EYS: variants seen among roughly 807,000 people sequenced by gnomAD.
The protein encoded by EYS is protein eyes shut homolog.
In EYS, 250 loss-of-function variants were observed where a neutral mutation model predicts 282.1. The ratio of observed to expected loss-of-function variants is 0.89; its 90% CI spans 0.80 to 0.98. The LOEUF (loss-of-function observed/expected upper bound fraction) is 0.98. Ranked by LOEUF, EYS falls within the 50% of genes least tolerant of loss-of-function variation. The pLI, the probability that EYS is intolerant of heterozygous loss-of-function variation, is 0.00. For synonymous variants in EYS, 1,355 were observed against 1,282.9 expected (o/e 1.06, Z -1.20); for missense variants, 4,016 against 3,709.0 (o/e 1.08, Z -2.15).
At chr6:65,028,571 A>G (rs984951989) in intron 13 of EYS, among the ~76,000 whole-genome samples, 4 of 152,056 alleles carry the variant, frequency 2.6e-5, no homozygotes, top group South Asian at 2.1e-4. Context: ...AATTTTGAAA[A>G]GTGCCCTTCA....
Position 65,446,919 on chromosome 6 carries a change from C to G in EYS, c.863-41552G>C, listed in dbSNP as rs142416844. Among the ~76,000 whole-genome samples, 864 of 151,632 alleles carry G rather than the reference C, an allele frequency of 5.7e-3. 13 individuals carry two copies. Among genetic ancestry groups the G allele is most frequent in the African/African-American group, 0.019 (772 of 41,424 alleles). On this transcript the variant is annotated intron_variant, in intron 5 of 42. Coordinates refer to ENST00000503581, the MANE Select transcript of EYS (RefSeq NM_001142800.2). ...AAAAACAGAAGGCACAGAAAAAAAG[C>G]CATTCTAATAATTTATACAGTTTTC...
At chr6:64,478,697 A>G (rs1233015440) in intron 26 of EYS, among the ~76,000 whole-genome samples, 2 of 151,082 alleles carry the variant, frequency 1.3e-5, no homozygotes, top group African/African-American at 2.4e-5. Flanking sequence ...GAAGTAGGCA[A>G]CATTACAATC....
At chr6:63,870,550 C>T (rs1435547608) in intron 35 of EYS, among the ~76,000 whole-genome samples, 2 of 152,064 alleles carry the variant, frequency 1.3e-5, no homozygotes, top group Admixed American at 6.6e-5. Context: ...TGCAGTTTCT[C>T]ACTTATTCCA....
intron 8 of EYS, among the ~76,000 whole-genome samples, chr6:65,361,378 A>T (rs1047802823): frequency 1.3e-5 from 2 of 151,132 alleles, no homozygotes; most frequent in Admixed American, 6.6e-5. Context: ...AAAAAGAAAT[A>T]CTCATATATG....
At chr6:65,279,826 A>G (rs1768165929) in intron 12 of EYS, among the ~76,000 whole-genome samples, 1 of 152,178 alleles carries the variant, frequency 6.6e-6, no homozygotes, top group Non-Finnish European at 1.5e-5. Flanking sequence ...AAGATTTTGT[A>G]AAAAGACAAC....
At chr6:65,054,960 T>C (rs1773371126) in intron 13 of EYS, among the ~76,000 whole-genome samples, 1 of 147,066 alleles carries the variant, frequency 6.8e-6, no homozygotes, top group Non-Finnish European at 1.5e-5. Flanking sequence ...GTTTTGGTTT[T>C]AGGTTTTCTT....
At chr6:64,448,287 A>C (rs140115945) in intron 26 of EYS, among the ~76,000 whole-genome samples, 3,721 of 152,306 alleles carry the variant, frequency 0.024, 123 homozygotes, top group African/African-American at 0.077. Flanking sequence ...ATCAAACTGC[A>C]AGGTGGCAGT....
intron 7 of EYS, among the ~76,000 whole-genome samples, chr6:65,391,672 G>A (rs1766039014): frequency 6.6e-6 from 1 of 151,972 alleles, no homozygotes. Flanking sequence ...AATAAAAGAG[G>A]ATACAAACAA....
chr6:65,517,398 T>C (rs972190077), intron 2 of EYS, among the ~76,000 whole-genome samples: 3 of 151,420 alleles, frequency 2.0e-5, no homozygotes, highest in Non-Finnish European at 1.5e-5. Flanking sequence ...CTAAAATCAA[T>C]CTTCTTACTC....
At chr6:65,511,816 G>A (rs1192319681) in intron 2 of EYS, among the ~76,000 whole-genome samples, 1 of 151,752 alleles carries the variant, frequency 6.6e-6, no homozygotes, top group Non-Finnish European at 1.5e-5. Flanking sequence ...AGCTGGGTGT[G>A]ATGGCACACA....
intron 11 of EYS, among the ~76,000 whole-genome samples, 175 bp from the exon 12 acceptor site, chr6:65,296,294 T>G (rs936941479): frequency 1.3e-5 from 2 of 152,074 alleles, no homozygotes; most frequent in Admixed American, 1.3e-4. Flanking sequence ...AAATTACTTT[T>G]GATTACTGTG....
At chr6:63,744,903 C>G (rs1000629359) in intron 41 of EYS, 1 of 319,892 alleles carries the variant, frequency 3.1e-6, no homozygotes, top group Admixed American at 5.0e-5. Context: ...CAATAGTTGA[C>G]TTTTGTTTCC....
intron 5 of EYS, among the ~76,000 whole-genome samples, chr6:65,413,754 G>C (rs368542372): frequency 3.3e-5 from 5 of 151,978 alleles, no homozygotes; most frequent in Non-Finnish European, 7.4e-5. Flanking sequence ...TACTCGGAAG[G>C]CTGAGGCAGA....
chr6:63,721,820 T>C lies in EYS; in HGVS notation c.8234-23A>G, dbSNP rs1393522697. On this transcript the variant is annotated intron_variant, in intron 42 of 42. Coordinates refer to ENST00000503581, the MANE Select transcript of EYS (RefSeq NM_001142800.2). ...CACCTGCAAGAAAGCAAACAGTAAG[T>C]TTGATTAGCAACAGTAAAAGTTTCC... is the stretch of plus-strand genomic sequence containing the variant. 2.0e-6 allele frequency: 3 copies of C among 1,526,186 alleles called. No homozygotes were observed. The African/African-American group carries it at 4.2e-5, about 21-fold the overall frequency. The allele number at this position is 1,526,186 out of a possible 1,614,324, so 94.5% of individuals were successfully genotyped here.
rs796698524 is a variant in EYS at position 65,631,497 on chromosome 6, G to A, written c.-333+8281C>T. Among the ~76,000 whole-genome samples, 59 of 151,604 alleles carry A rather than the reference G, an allele frequency of 3.9e-4. 1 individual carries two copies. The highest frequency in any genetic ancestry group is 1.2e-3 in the African/African-American group (48 of 41,286). ...ATGGAAAAAAAAAAAAAAATCCTGT[G>A]TTGTTTTCCCTCTGTGGGGCAAGTG... On this transcript the variant is annotated intron_variant, in intron 2 of 42. Coordinates refer to ENST00000503581, the MANE Select transcript of EYS (RefSeq NM_001142800.2).
chr6:64,073,675 T>C (rs1469499185), intron 32 of EYS, among the ~76,000 whole-genome samples: 1 of 151,838 alleles, frequency 6.6e-6, no homozygotes, highest in South Asian at 2.1e-4. Flanking sequence ...TTAAACCTTA[T>C]GGATTGAGTA....
In EYS at chr6:65,389,037, C is replaced by T. The variant is rs374486652; in HGVS notation, c.1185-4537G>A. 1.2e-4 allele frequency among the ~76,000 whole-genome samples: 18 copies of T among 152,198 alleles called. No individual in the cohort carries two copies. In the East Asian group the frequency reaches 2.9e-3, roughly 25 times the overall value. ...TCCAATTCTAATCTAAGTCACTGTCCTACCCAGTTTACTATACTGTAATTA... is the reference window on the plus strand; with the variant it reads ...TCCAATTCTAATCTAAGTCACTGTCTTACCCAGTTTACTATACTGTAATTA... On this transcript the variant is annotated intron_variant, in intron 7 of 42. Coordinates refer to ENST00000503581, the MANE Select transcript of EYS (RefSeq NM_001142800.2).
intron 13 of EYS, among the ~76,000 whole-genome samples, chr6:65,042,400 T>G (rs1772964993): frequency 6.6e-6 from 1 of 151,650 alleles, no homozygotes; most frequent in African/African-American, 2.4e-5. Context: ...ATTTGCTTTT[T>G]GTAATTTGGC....
intron 5 of EYS, among the ~76,000 whole-genome samples, chr6:65,481,050 G>T (rs1200844431): frequency 1.3e-5 from 2 of 152,124 alleles, no homozygotes; most frequent in Non-Finnish European, 2.9e-5. Context: ...CTACAACATT[G>T]TAAGGTGAAT....
Sources: gnomAD v4.1 joint callset for allele counts (sites outside exome capture counted in the v4.1 genomes callset) on GRCh38, gnomAD v4.1.1 for gene constraint, MANE v1.5 for transcripts, NCBI Gene and HGNC (gene_info 2026-07-23, HGNC 2026-07-21) for gene names.